Variants in CNOT4 observed in about 807,000 individuals in gnomAD.
CNOT4 encodes CCR4-associated factor 4.
A neutral mutation model predicts 73.8 loss-of-function variants in CNOT4; 8 were observed. The observed-to-expected ratio is 0.11, with a 90% confidence interval of 0.06 to 0.20. CNOT4 has a LOEUF of 0.20. CNOT4 is among the 10% of genes least tolerant of loss of function. The pLI is 1.00. For missense variants in CNOT4, 564 were observed against 883.4 expected (o/e 0.64, Z 4.58); for synonymous variants, 293 against 321.1 (o/e 0.91, Z 0.94).
intron 1 of CNOT4, among the ~76,000 whole-genome samples, chr7:135,495,690 AAAAG>A (rs796412528): frequency 0.1 from 3,916 of 38,332 alleles, 286 homozygotes; most frequent in Middle Eastern, 0.14. Flanking sequence ...AAAAAAAAAA[AAAAG>A]AAAGAAAGAA....
chr7:135,378,295 G>A (rs1795632387), intron 10 of CNOT4, among the ~76,000 whole-genome samples: 1 of 152,254 alleles, frequency 6.6e-6, no homozygotes, highest in South Asian at 2.1e-4. Flanking sequence ...TCTGAGGTCA[G>A]GAGCTCGAGA....
chr7:135,475,497 AG>A (rs1455638029), intron 1 of CNOT4, among the ~76,000 whole-genome samples: 8 of 152,348 alleles, frequency 5.3e-5, no homozygotes, highest in Admixed American at 5.2e-4. Context: ...GAAGTACAAA[AG>A]AAAACTAACA....
intron 7 of CNOT4, among the ~76,000 whole-genome samples, chr7:135,407,708 A>G (rs1325585876): frequency 6.7e-6 from 1 of 149,998 alleles, no homozygotes; most frequent in Admixed American, 6.7e-5. Flanking sequence ...TGTTTTTTGT[A>G]GAGGCAGGGG....
At chr7:135,390,304 A>C (rs62481572) in intron 10 of CNOT4, among the ~76,000 whole-genome samples, 5,818 of 152,234 alleles carry the variant, frequency 0.038, 154 homozygotes, top group Non-Finnish European at 0.056. Context: ...TACTAATTGA[A>C]TATGTGACCT....
intron 2 of CNOT4, among the ~76,000 whole-genome samples, chr7:135,425,131 A>G (rs1331111803): frequency 3.3e-5 from 5 of 152,234 alleles, no homozygotes; most frequent in East Asian, 3.8e-4. Flanking sequence ...ATAGCACTCT[A>G]TATCAGTCCT....
intron 1 of CNOT4, among the ~76,000 whole-genome samples, chr7:135,446,188 A>G (rs1799812713): frequency 6.6e-6 from 1 of 152,066 alleles, no homozygotes; most frequent in Non-Finnish European, 1.5e-5. Flanking sequence ...GCCTGATCTC[A>G]CTTTTATGAG....
At chr7:135,403,313 T>C (rs1323966246) in intron 7 of CNOT4, among the ~76,000 whole-genome samples, 1 of 152,236 alleles carries the variant, frequency 6.6e-6, no homozygotes, top group Non-Finnish European at 1.5e-5. Context: ...AAACACTTGC[T>C]AACACAAAGG....
At chr7:135,493,389 G>GA (rs113454624) in intron 1 of CNOT4, among the ~76,000 whole-genome samples, 1 of 152,036 alleles carries the variant, frequency 6.6e-6, no homozygotes, top group Admixed American at 6.5e-5. Context: ...GACATTATCA[G>GA]AAAAAAATGA....
chr7:135,485,845 G>A (rs993515703), intron 1 of CNOT4, among the ~76,000 whole-genome samples: 2 of 152,136 alleles, frequency 1.3e-5, no homozygotes, highest in Admixed American at 1.3e-4. Flanking sequence ...AAAAAACTTA[G>A]AGAAAATCTT....
intron 1 of CNOT4, among the ~76,000 whole-genome samples, chr7:135,468,718 C>A (rs577445237): frequency 6.6e-6 from 1 of 151,568 alleles, no homozygotes; most frequent in East Asian, 1.9e-4. Context: ...CACATCTATT[C>A]CTTCCCTGGA....
At chr7:135,409,959 T>C (rs1051957043) in intron 7 of CNOT4, among the ~76,000 whole-genome samples, 7 of 152,092 alleles carry the variant, frequency 4.6e-5, no homozygotes, top group Non-Finnish European at 7.4e-5. Context: ...CACAATATAG[T>C]TTACCCAAAA....
chr7:135,455,896 C>T (rs1333057718), intron 1 of CNOT4, among the ~76,000 whole-genome samples: 3 of 152,090 alleles, frequency 2.0e-5, no homozygotes, highest in Non-Finnish European at 2.9e-5. Context: ...AAGACTAAAA[C>T]ATATAAGCGT....
intron 10 of CNOT4, among the ~76,000 whole-genome samples, chr7:135,389,397 C>T (rs1282736266): frequency 6.6e-6 from 1 of 151,932 alleles, no homozygotes; most frequent in Non-Finnish European, 1.5e-5. Context: ...AATTAACATA[C>T]AGCATCTGAA....
chr7:135,387,378 A>C, intron 10 of CNOT4: 1 of 984,258 alleles, frequency 1.0e-6, no homozygotes, highest in Non-Finnish European at 1.2e-6. Flanking sequence ...CTTGGGATAA[A>C]GTCATTTAAT....
chr7:135,421,213 A>G (rs1469993114), intron 3 of CNOT4, among the ~76,000 whole-genome samples: 1 of 152,014 alleles, frequency 6.6e-6, no homozygotes, highest in African/African-American at 2.4e-5. Context: ...CAGACATTAG[A>G]CTCCTTAAAG....
intron 1 of CNOT4, among the ~76,000 whole-genome samples, chr7:135,506,631 C>T (rs937760110): frequency 2.0e-5 from 3 of 152,062 alleles, no homozygotes; most frequent in South Asian, 2.1e-4. Flanking sequence ...GGGCGGATCA[C>T]GAGGTCAGGA....
chr7:135,414,311 A>T lies in CNOT4; in HGVS notation c.561+20T>A, dbSNP rs139098239. ...CGTCTTCCTTAAAAAAAAAAAAAAG[A>T]ATCAAGAGGACTATATTACCTTAAG... On this transcript the variant is annotated intron_variant, in intron 5 of 11. Coordinates refer to ENST00000541284, the MANE Select transcript of CNOT4 (RefSeq NM_001190850.2). The T allele has an allele frequency of 1.4e-4, 117 of 861,834 alleles. No individual in the cohort carries two copies. The East Asian group carries it at 2.7e-3, about 20-fold the overall frequency. The allele number at this position is 861,834 out of a possible 1,614,324, so 53.4% of individuals were successfully genotyped here.
intron 6 of CNOT4, among the ~76,000 whole-genome samples, chr7:135,411,040 G>A (rs893927008): frequency 3.3e-5 from 5 of 151,806 alleles, no homozygotes; most frequent in Non-Finnish European, 5.9e-5. Flanking sequence ...GTAACACTGA[G>A]TTTTCTGAAA....
intron 1 of CNOT4, among the ~76,000 whole-genome samples, chr7:135,450,682 A>C (rs2129485861): frequency 6.6e-6 from 1 of 152,314 alleles, no homozygotes; most frequent in South Asian, 2.1e-4. Flanking sequence ...CATGGTAAGG[A>C]AAGATGTGGT....
Sources: allele counts gnomAD v4.1 joint callset (sites outside exome capture counted in the v4.1 genomes callset), GRCh38; gene constraint gnomAD v4.1.1; transcripts MANE v1.5; gene names NCBI Gene and HGNC (gene_info 2026-07-23, HGNC 2026-07-21).